The following KCNK9 variants were observed in gnomAD, a reference collection of about 807,000 sequenced individuals.
KCNK9 encodes potassium two pore domain channel subfamily K member 9.
A neutral mutation model predicts 10.8 loss-of-function variants in KCNK9; 1 was observed. That is an observed-to-expected ratio of 0.09 (90% CI 0.03 to 0.44). The LOEUF is 0.44. Ranked by LOEUF, KCNK9 falls within the 20% of genes least tolerant of loss-of-function variation. The pLI, the probability that KCNK9 is intolerant of heterozygous loss-of-function variation, is 0.97. For synonymous variants in KCNK9, 231 were observed against 222.7 expected (o/e 1.04, Z -0.33); for missense variants, 303 against 515.0 (o/e 0.59, Z 3.98).
rs1031900086 is a variant in KCNK9, at chr8:139,639,037, G to A, written c.284-19938C>T. Reference sequence around the variant, plus strand: ...TCCCACCCTCCCCCAGGCCCACACCGCCAGGCCGTAGCCAACCCCTGTGCC... The same window carrying A: ...TCCCACCCTCCCCCAGGCCCACACCACCAGGCCGTAGCCAACCCCTGTGCC... On this transcript the variant is annotated intron_variant, in intron 1 of 1. Transcript: ENST00000520439. 1.1e-4 allele frequency among the ~76,000 whole-genome samples: 15 copies of A among 141,154 alleles called. No homozygotes were observed. In the South Asian group the frequency reaches 1.3e-3, roughly 12 times the overall value. The allele number at this position is 141,154 out of a possible 152,430, so 92.6% of individuals were successfully genotyped here.
chr8:139,686,084 C>T (rs1192384073), intron 1 of KCNK9, among the ~76,000 whole-genome samples: 1 of 152,138 alleles, frequency 6.6e-6, no homozygotes. Flanking sequence ...AACTGGATCC[C>T]TTCCTTACAC....
At chr8:139,630,600 G>A (rs1284359084) in intron 1 of KCNK9, among the ~76,000 whole-genome samples, 4 of 152,236 alleles carry the variant, frequency 2.6e-5, no homozygotes, top group African/African-American at 4.8e-5. Flanking sequence ...GAAGGCCCGC[G>A]GAGTGGCTTT....
chr8:139,618,996 G>A lies in KCNK9; in HGVS notation c.387C>T (p.Gly129=). ...PLTLVMFQSL[G]ERMNTFVRYL... is the part of the protein sequence containing the mutation. ...AGCGCACGAAGGTGTTCATGCGCTCGCCCAGGCTCTGGAACATGACCAGTG... is the reference window on the plus strand; with the variant it reads ...AGCGCACGAAGGTGTTCATGCGCTCACCCAGGCTCTGGAACATGACCAGTG... Residue 129 remains glycine, a synonymous_variant, in exon 2 of 2, where the codon GGC becomes GGT. Coordinates refer to ENST00000520439, the MANE Select transcript of KCNK9 (RefSeq NM_001282534.2). This position sits in a 1 kb window ranked among gnomAD's most constrained non-coding sequence, Gnocchi z 7.9. 3 of 1,614,188 alleles carry A rather than the reference G, an allele frequency of 1.9e-6. No homozygotes were observed. Among genetic ancestry groups the A allele is most frequent in the Non-Finnish European group, 2.5e-6 (3 of 1,180,026 alleles).
At chr8:139,614,039 G>GT (rs1367835704), downstream of KCNK9, among the ~76,000 whole-genome samples, 2 of 152,192 alleles carry the variant, frequency 1.3e-5, no homozygotes, top group African/African-American at 4.8e-5. Flanking sequence ...AGTGATGGTG[G>GT]TTTTTTGGTC....
At chr8:139,691,903 G>T (rs779853095) in intron 1 of KCNK9, among the ~76,000 whole-genome samples, 18 of 152,320 alleles carry the variant, frequency 1.2e-4, no homozygotes, top group Non-Finnish European at 2.2e-4. Context: ...GCTAGAGTTG[G>T]TCATAAGACA....
At chr8:139,623,403 G>A (rs1377254840) in intron 1 of KCNK9, among the ~76,000 whole-genome samples, 1 of 152,166 alleles carries the variant, frequency 6.6e-6, no homozygotes, top group Non-Finnish European at 1.5e-5. Context: ...TCTTGGCACA[G>A]GGGATTCCAC....
chr8:139,661,033 GC>G (rs1816139165), intron 1 of KCNK9, among the ~76,000 whole-genome samples: 1 of 152,304 alleles, frequency 6.6e-6, no homozygotes, highest in East Asian at 1.9e-4. Flanking sequence ...CTTTCCTGAG[GC>G]CCCCTTGAGA....
At chr8:139,700,514 G>A (rs13261445) in intron 1 of KCNK9, among the ~76,000 whole-genome samples, 58 of 130,846 alleles carry the variant, frequency 4.4e-4, no homozygotes, top group Admixed American at 1.2e-3. Flanking sequence ...ACACACGCGC[G>A]CGCGCGCACA....
At chr8:139,685,217 A>G (rs1310919964) in intron 1 of KCNK9, among the ~76,000 whole-genome samples, 1 of 152,240 alleles carries the variant, frequency 6.6e-6, no homozygotes, top group Non-Finnish European at 1.5e-5. Flanking sequence ...ATTATGCATT[A>G]TAAGTATGCC....
chr8:139,664,955 G>T (rs937779595), intron 1 of KCNK9, among the ~76,000 whole-genome samples: 1 of 152,140 alleles, frequency 6.6e-6, no homozygotes, highest in Non-Finnish European at 1.5e-5. Context: ...GAGGGATCTG[G>T]GGGGGATGTC....
At chr8:139,635,283 G>A (rs1236405466) in intron 1 of KCNK9, among the ~76,000 whole-genome samples, 1 of 152,228 alleles carries the variant, frequency 6.6e-6, no homozygotes, top group Non-Finnish European at 1.5e-5. Context: ...TCATCAACAA[G>A]AAAACGGAGG....
chr8:139,614,462 C>T (rs527466586), downstream of KCNK9, among the ~76,000 whole-genome samples: 11 of 152,314 alleles, frequency 7.2e-5, no homozygotes, highest in South Asian at 2.3e-3. Flanking sequence ...CAGGCATTCC[C>T]CTCCCAATCA....
intron 1 of KCNK9, among the ~76,000 whole-genome samples, chr8:139,676,961 A>C (rs1057439599): frequency 2.3e-4 from 35 of 152,234 alleles, no homozygotes; most frequent in African/African-American, 7.9e-4. Context: ...AAAAACAAAC[A>C]AACAAACAAA....
chr8:139,637,533 G>A (rs970648513), intron 1 of KCNK9, among the ~76,000 whole-genome samples: 18 of 152,142 alleles, frequency 1.2e-4, no homozygotes, highest in Non-Finnish European at 5.9e-5. Context: ...ATCAGCCAGA[G>A]ACAGACAAAT....
chr8:139,633,761 T>C (rs768298324), intron 1 of KCNK9, among the ~76,000 whole-genome samples: 5 of 152,188 alleles, frequency 3.3e-5, no homozygotes, highest in Admixed American at 6.5e-5. Flanking sequence ...CTCAGTACCT[T>C]GTGTCCTGGT....
At chr8:139,675,554 C>T (rs1816530028) in intron 1 of KCNK9, among the ~76,000 whole-genome samples, 1 of 152,150 alleles carries the variant, frequency 6.6e-6, no homozygotes, top group South Asian at 2.1e-4. Flanking sequence ...AAAGAGGGCC[C>T]CCACCAGAAC....
chr8:139,685,308 G>A (rs1202494344), intron 1 of KCNK9, among the ~76,000 whole-genome samples: 1 of 151,946 alleles, frequency 6.6e-6, no homozygotes, highest in African/African-American at 2.4e-5. Context: ...TATACTTTAA[G>A]TTCTAGGGTA....
chr8:139,687,824 A>G (rs80048368), intron 1 of KCNK9, among the ~76,000 whole-genome samples: 3 of 151,380 alleles, frequency 2.0e-5, no homozygotes, highest in African/African-American at 7.3e-5. Context: ...CCACTTCTCC[A>G]TGTGATTCAG....
chr8:139,671,211 C>G (rs1425700401), intron 1 of KCNK9, among the ~76,000 whole-genome samples: 1 of 152,222 alleles, frequency 6.6e-6, no homozygotes, highest in African/African-American at 2.4e-5. Flanking sequence ...GGCTGCCCAG[C>G]CTGAAGGGCA....
Sources: gnomAD v4.1 joint callset for allele counts (sites outside exome capture counted in the v4.1 genomes callset) on GRCh38, gnomAD v4.1.1 for gene constraint, Gnocchi (gnomAD v3.1) non-coding constraint, MANE v1.5 for transcripts, NCBI Gene and HGNC (gene_info 2026-07-23, HGNC 2026-07-21) for gene names.